GIT1: variants seen among roughly 807,000 people sequenced by gnomAD.
The protein encoded by GIT1 is ARF GTPase-activating protein GIT1.
Under a neutral mutation model 91.7 loss-of-function variants are expected in GIT1, and 14 were observed. That is an observed-to-expected ratio of 0.15 (90% CI 0.10 to 0.24). The LOEUF is 0.24. Among genes scored for constraint, GIT1 ranks in the 10% least tolerant of loss-of-function variants. The probability of loss-of-function intolerance (pLI) is 1.00; values close to 1 mark genes in which losing one functional copy is unlikely to be tolerated. For synonymous variants in GIT1, 414 were observed against 418.2 expected, an observed-to-expected ratio of 0.99 and a Z score of 0.12; for missense variants, 717 against 1,024.9, an observed-to-expected ratio of 0.70 and a Z score of 4.10.
Position 29,581,081 on chromosome 17 carries a change from C to G in GIT1, c.761+257G>C. 3 of 543,968 alleles carry G rather than the reference C, an allele frequency of 5.5e-6. No homozygotes were observed. 33.7% of individuals were successfully genotyped at this position (543,968 alleles called of 1,614,324 possible). The stretch of plus-strand genomic sequence containing the variant: ...GGCGTGAGCCACCGCGCCCGGCCCA[C>G]AGGTAGCTTCTCACACCCAAGCCCT... On this transcript the variant is annotated intron_variant, in intron 7 of 19. Transcript: ENST00000225394. This position sits in a 1 kb window ranked among gnomAD's most constrained non-coding sequence, Gnocchi z 4.8.
In GIT1 at chr17:29,589,620, C is replaced by A. The variant is rs1436352568; in HGVS notation, c.-242G>T. ...CGCCGCCGCTCGCGGCTCCTCTCTC[C>A]GCCCCCTGCGCGGCTCCCGGCCGCT... On this transcript the variant is annotated 5_prime_UTR_variant, in exon 1 of 20. Coordinates refer to ENST00000225394, the MANE Select transcript of GIT1 (RefSeq NM_014030.4). This position sits in a 1 kb window ranked among gnomAD's most constrained non-coding sequence, Gnocchi z 5.2. The A allele has an allele frequency of 6.7e-6, 1 of 149,274 alleles. No homozygotes were observed. The highest frequency in any genetic ancestry group is 1.8e-4 in the South Asian group (1 of 5,488). The allele number at this position is 149,274 out of a possible 1,614,324, so 9.2% of individuals were successfully genotyped here. A position where few individuals can be genotyped will look rare whatever the true frequency, so the allele number is the denominator to read the frequency against.
intron 19 of GIT1, 43 bp from the exon 20 acceptor site, chr17:29,574,957 A>G (rs550818): frequency 0.74 from 1,115,685 of 1,502,650 alleles, 415,737 homozygotes; most frequent in East Asian, 0.92. Context: ...ACTTTAAGCC[A>G]CCAGCTGAGA....
chr17:29,577,358 A>G (rs2033246007), intron 10 of GIT1, 111 bp from the exon 11 acceptor site: 1 of 856,470 alleles, frequency 1.2e-6, no homozygotes, highest in Non-Finnish European at 1.9e-6. Flanking sequence ...AACCCCAGCT[A>G]AAGCGTCCCA....
chr17:29,589,266 CCGGCGCCCGCCCGGCGG>C lies in GIT1; in HGVS notation c.52+44_52+60del. On this transcript the variant is annotated intron_variant, in intron 1 of 19. Transcript: ENST00000225394. This position sits in a 1 kb window ranked among gnomAD's most constrained non-coding sequence, Gnocchi z 5.2. ...CCCCGCACAGCGCTCTTGCCAGGCCCCGGCGCCCGCCCGGCGGCGGCCTGGCTGTGCGGTCCCGCCCC... is the reference window on the plus strand; with the variant it reads ...CCCCGCACAGCGCTCTTGCCAGGCCCCGGCCTGGCTGTGCGGTCCCGCCCC... The C allele has an allele frequency of 1.3e-6, 1 of 741,796 alleles. No individual in the cohort carries two copies. Among genetic ancestry groups the C allele is most frequent in the Non-Finnish European group, 1.7e-6 (1 of 605,076 alleles). The allele number at this position is 741,796 out of a possible 1,614,324, so 46.0% of individuals were successfully genotyped here.
At position 29,575,962 on chromosome 17, in the gene GIT1, T is replaced by C; in HGVS notation, c.1666-64A>G. On this transcript the variant is annotated intron_variant, in intron 15 of 19. Transcript: ENST00000225394. This position sits in a 1 kb window ranked among gnomAD's most constrained non-coding sequence, Gnocchi z 5.5. ...CCACTGCCCCCCTGCTCACCAGCAG[T>C]GCAGCAGGGACCAGGTCAGTCTAAT... is the stretch of plus-strand genomic sequence containing the variant. 6.6e-7 allele frequency: 1 copy of C among 1,514,330 alleles called. No individual in the cohort carries two copies. The highest frequency in any genetic ancestry group is 9.1e-7 in the Non-Finnish European group (1 of 1,093,254). The allele number at this position is 1,514,330 out of a possible 1,614,324, so 93.8% of individuals were successfully genotyped here.
intron 2 of GIT1, among the ~76,000 whole-genome samples, chr17:29,583,267 C>T (rs1036033632): frequency 3.3e-5 from 5 of 152,154 alleles, no homozygotes; most frequent in African/African-American, 4.8e-5. Context: ...TACACGACCA[C>T]GTTGATAAGT....
rs767337864 is a variant in GIT1, at chr17:29,582,776, G to C, written c.327C>G (p.Ala109=). The change falls in exon 4 of 20, where the codon GCC becomes GCG. Residue 109 remains alanine (A), a synonymous_variant. Coordinates refer to ENST00000225394, the MANE Select transcript of GIT1 (RefSeq NM_014030.4). ...VHPIKSEFIR[A]KYQMLAFVHK... is the part of the protein sequence containing the mutation. ...GCACAAATGCCAGCATCTGGTACTT[G>C]GCCCTGATGAACTCTGACTTGATGG... The C allele has an allele frequency of 1.9e-6, 3 of 1,613,460 alleles. No homozygotes were observed. Among genetic ancestry groups the C allele is most frequent in the African/African-American group, 2.7e-5 (2 of 74,914 alleles).
chr17:29,576,214 A>G lies in GIT1; in HGVS notation c.1611+6T>C. ...CCCCACACCTTGAGACCCATAGGTG[A>G]CTCACAGTGCTGTGGAAAGGCTGCA... On this transcript the variant is annotated splice_donor_region_variant and intron_variant, in intron 14 of 19. Coordinates refer to ENST00000225394, the MANE Select transcript of GIT1 (RefSeq NM_014030.4). 6.2e-7 allele frequency: 1 copy of G among 1,605,588 alleles called. No homozygotes were observed. The highest frequency in any genetic ancestry group is 8.5e-7 in the Non-Finnish European group (1 of 1,173,448).
rs1333595060 is a variant in GIT1, at chr17:29,577,637, C to T, written c.981+8G>A. On this transcript the variant is annotated splice_region_variant and intron_variant, in intron 10 of 19. Coordinates refer to ENST00000225394, the MANE Select transcript of GIT1 (RefSeq NM_014030.4). ...GACCACCCCAGGCCCCCAATCCAGC[C>T]CCCTCACCTGATTCCGCGTGGCTGA... 1.3e-6 allele frequency: 2 copies of T among 1,575,722 alleles called. No homozygotes were observed. Among genetic ancestry groups the T allele is most frequent in the East Asian group, 2.2e-5 (1 of 44,648 alleles).
At chr17:29,582,240 G>A (rs1253709427) in intron 4 of GIT1, 96 bp from the exon 5 acceptor site, 2 of 903,456 alleles carry the variant, frequency 2.2e-6, no homozygotes, top group South Asian at 1.6e-5. Context: ...ACACCTAGCA[G>A]CTCCAAGGAG....
chr17:29,575,650 T>C lies in GIT1; in HGVS notation c.1806A>G (p.Gln602=), dbSNP rs1406379219. ...SGADSDYENT[Q]SGDPLLGLEG... is the part of the protein sequence containing the mutation. ...CTCACCCCAGCAGTGGGTCCCCACT[T>C]TGCGTGTTCTCATAGTCACTGTCGG... The change falls in exon 17 of 20, where the codon CAA becomes CAG. Residue 602 remains glutamine, a synonymous_variant. Coordinates refer to ENST00000225394, the MANE Select transcript of GIT1 (RefSeq NM_014030.4). This position sits in a 1 kb window ranked among gnomAD's most constrained non-coding sequence, Gnocchi z 5.5. 6.2e-7 allele frequency: 1 copy of C among 1,612,156 alleles called. No individual in the cohort carries two copies. Among genetic ancestry groups the C allele is most frequent in the African/African-American group, 1.3e-5 (1 of 74,914 alleles).
rs907796196 is a variant in GIT1, at chr17:29,574,433, G to A, written c.*269C>T. On this transcript the variant is annotated 3_prime_UTR_variant, in exon 20 of 20. Coordinates refer to ENST00000225394, the MANE Select transcript of GIT1 (RefSeq NM_014030.4). Reference sequence around the variant, plus strand: ...GGCGAGGGGCTGGGAGTGATGCCTTGCAGGCCCCTGCTCACTAGGAGGGGG... The same window carrying A: ...GGCGAGGGGCTGGGAGTGATGCCTTACAGGCCCCTGCTCACTAGGAGGGGG... 1 of 503,786 alleles carries A rather than the reference G, an allele frequency of 2.0e-6. No individual in the cohort carries two copies. Among genetic ancestry groups the A allele is most frequent in the South Asian group, 2.2e-5 (1 of 44,498 alleles). 31.2% of individuals were successfully genotyped at this position (503,786 alleles called of 1,614,324 possible).
chr17:29,574,948 CT>C (rs767429818), intron 19 of GIT1, 34 bp from the exon 20 acceptor site: 135 of 1,523,430 alleles, frequency 8.9e-5, no homozygotes, highest in Non-Finnish European at 1.2e-4. Context: ...GGACCTTGGA[CT>C]TTAAGCCACC....
intron 8 of GIT1, 107 bp from the exon 9 acceptor site, chr17:29,578,478 G>T: frequency 9.7e-7 from 1 of 1,032,428 alleles, no homozygotes; most frequent in Non-Finnish European, 1.5e-6. Context: ...CCTTCCTTGT[G>T]CTGCCCAGCC....
intron 1 of GIT1, among the ~76,000 whole-genome samples, chr17:29,584,163 A>G (rs916079349): frequency 2.0e-5 from 3 of 152,242 alleles, no homozygotes; most frequent in Non-Finnish European, 4.4e-5. Flanking sequence ...AGATGGACAG[A>G]GCAAAGGAGC....
intron 1 of GIT1, 72 bp from the exon 2 acceptor site, chr17:29,583,688 C>T (rs2303623): frequency 0.41 from 607,991 of 1,484,422 alleles, 128,495 homozygotes; most frequent in East Asian, 0.63. Context: ...TGCTCTGGCC[C>T]GTGCCAAGCC....
chr17:29,585,182 T>A (rs1298095886), intron 1 of GIT1, among the ~76,000 whole-genome samples: 1 of 151,992 alleles, frequency 6.6e-6, no homozygotes, highest in Non-Finnish European at 1.5e-5. Context: ...CTGGGCTGGC[T>A]TTACCCAAAT....
Position 29,589,230 on chromosome 17 carries a change from CAG to C in GIT1, c.52+95_52+96del. 138 of 344,046 alleles carry C rather than the reference CAG, an allele frequency of 4.0e-4. No homozygotes were observed. Among genetic ancestry groups the C allele is most frequent in the Non-Finnish European group, 5.0e-4 (121 of 242,456 alleles). The allele number at this position is 344,046 out of a possible 1,614,324, so 21.3% of individuals were successfully genotyped here. On this transcript the variant is annotated intron_variant, in intron 1 of 19. Transcript: ENST00000225394. This position sits in a 1 kb window ranked among gnomAD's most constrained non-coding sequence, Gnocchi z 5.2. Reference sequence around the variant, plus strand: ...GGAGGCCGCAGCCCCCCGCCCCGCCCAGCCCTCCGGCCCCGCACAGCGCTCTT... The same window carrying C: ...GGAGGCCGCAGCCCCCCGCCCCGCCCCCCTCCGGCCCCGCACAGCGCTCTT...
chr17:29,575,674 G>C lies in GIT1; in HGVS notation c.1782C>G (p.Ala594=). The part of the protein sequence containing the change: ...TSKLSRHGSG[A]DSDYENTQSG... ...TTTGCGTGTTCTCATAGTCACTGTC[G>C]GCTCCACTGCCGTGGCGGGAAAGCT... The change falls in exon 17 of 20, where the codon GCC becomes GCG. Residue 594 remains alanine, a synonymous_variant. Coordinates refer to ENST00000225394, the MANE Select transcript of GIT1 (RefSeq NM_014030.4). The surrounding 1 kb of genome is among the most constrained non-coding windows in gnomAD (Gnocchi z 5.5). 1 of 1,612,780 alleles carries C rather than the reference G, an allele frequency of 6.2e-7. No homozygotes were observed. The highest frequency in any genetic ancestry group is 8.5e-7 in the Non-Finnish European group (1 of 1,179,980).
Sources: gnomAD v4.1 joint callset for allele counts (sites outside exome capture counted in the v4.1 genomes callset) on GRCh38, gnomAD v4.1.1 for gene constraint, Gnocchi (gnomAD v3.1) non-coding constraint, MANE v1.5 for transcripts, NCBI Gene and HGNC (gene_info 2026-07-23, HGNC 2026-07-21) for gene names.